Variants in PAPPA observed in about 807,000 individuals in gnomAD.
PAPPA encodes the protein pappalysin 1.
Under a neutral mutation model 164.0 loss-of-function variants are expected in PAPPA, and 60 were observed. The observed-to-expected ratio is 0.37, with a 90% CI of 0.30 to 0.45. The LOEUF is 0.45. Among genes scored for constraint, PAPPA ranks in the 20% least tolerant of loss-of-function variants. The pLI, the probability that PAPPA is intolerant of heterozygous loss-of-function variation, is 1.00. For missense variants in PAPPA, 1,782 were observed against 2,087.3 expected, an observed-to-expected ratio of 0.85 and a Z score of 2.85; for synonymous variants, 875 against 814.1, an observed-to-expected ratio of 1.07 and a Z score of -1.27.
At chr9:116,328,643 T>G (rs764854795) in intron 10 of PAPPA, among the ~76,000 whole-genome samples, 1 of 152,234 alleles carries the variant, frequency 6.6e-6, no homozygotes, top group Non-Finnish European at 1.5e-5. Flanking sequence ...GAAACTCTTT[T>G]CTTAAAAGAA....
chr9:116,325,682 G>T (rs1274653423), intron 10 of PAPPA, among the ~76,000 whole-genome samples: 1 of 152,142 alleles, frequency 6.6e-6, no homozygotes, highest in African/African-American at 2.4e-5. Flanking sequence ...ACACAGGGCT[G>T]GGTATCTTGG....
intron 14 of PAPPA, among the ~76,000 whole-genome samples, chr9:116,345,916 A>G (rs1327630819): frequency 6.6e-6 from 1 of 152,170 alleles, no homozygotes; most frequent in African/African-American, 2.4e-5. Context: ...AGGGCTGGTC[A>G]GTGGACTTTG....
chr9:116,250,987 C>T lies in PAPPA; in HGVS notation c.2733-14870C>T, dbSNP rs951052666. ...ATAGTAACGTCATGGCAGCTGGTGC[C>T]GGTGATGGGGTTGGTATAGGAAATG... is the stretch of plus-strand genomic sequence containing the variant. On this transcript the variant is annotated intron_variant, in intron 7 of 21. Transcript: ENST00000328252. Among the ~76,000 whole-genome samples, 180 of 152,172 alleles carry T rather than the reference C, an allele frequency of 1.2e-3. 2 individuals carry two copies. The highest frequency in any genetic ancestry group is 1.6e-4 in the Non-Finnish European group (11 of 67,998).
intron 2 of PAPPA, among the ~76,000 whole-genome samples, chr9:116,199,833 A>G (rs1011369916): frequency 6.6e-6 from 1 of 152,082 alleles, no homozygotes; most frequent in Admixed American, 6.5e-5. Flanking sequence ...TCATGCTTGG[A>G]AGGGGAAGAG....
At chr9:116,184,677 T>C (rs1035929954) in intron 1 of PAPPA, among the ~76,000 whole-genome samples, 1 of 152,210 alleles carries the variant, frequency 6.6e-6, no homozygotes, top group Non-Finnish European at 1.5e-5. Context: ...TAGTAACTGC[T>C]GTCATCAAAA....
chr9:116,281,972 C>T (rs1011336385), intron 9 of PAPPA, among the ~76,000 whole-genome samples: 3 of 152,182 alleles, frequency 2.0e-5, no homozygotes, highest in African/African-American at 7.2e-5. Flanking sequence ...TATTAAGTGA[C>T]AGAGTTGAGA....
intron 10 of PAPPA, among the ~76,000 whole-genome samples, chr9:116,323,146 AT>A (rs1201979209): frequency 6.6e-6 from 1 of 152,116 alleles, no homozygotes; most frequent in Non-Finnish European, 1.5e-5. Context: ...GATAAACTGG[AT>A]TTAAAAAAAC....
chr9:116,363,751 A>C (rs1331189460), intron 18 of PAPPA, among the ~76,000 whole-genome samples: 1 of 152,224 alleles, frequency 6.6e-6, no homozygotes, highest in Non-Finnish European at 1.5e-5. Flanking sequence ...TTCATCCAGC[A>C]AACAGAGAGT....
intron 1 of PAPPA, among the ~76,000 whole-genome samples, chr9:116,157,317 A>G (rs1233647913): frequency 1.3e-5 from 2 of 152,176 alleles, no homozygotes; most frequent in African/African-American, 4.8e-5. Context: ...AGGGGGAAGG[A>G]GCGAAGGAGC....
chr9:116,156,338 A>ACATG (rs1843604181), intron 1 of PAPPA, among the ~76,000 whole-genome samples: 1 of 131,710 alleles, frequency 7.6e-6, no homozygotes, highest in Non-Finnish European at 1.7e-5. Context: ...ATATGTGTAT[A>ACATG]TATATATATG....
chr9:116,265,484 T>C (rs1845056394), intron 7 of PAPPA, among the ~76,000 whole-genome samples: 1 of 152,220 alleles, frequency 6.6e-6, no homozygotes, highest in Non-Finnish European at 1.5e-5. Context: ...TTCCCACCTC[T>C]GTGCTTTTGT....
intron 10 of PAPPA, among the ~76,000 whole-genome samples, chr9:116,317,118 C>T (rs1200860656): frequency 6.6e-6 from 1 of 152,074 alleles, no homozygotes; most frequent in Admixed American, 6.5e-5. Context: ...GGGGAGGAAA[C>T]AAAAACAACA....
rs994245748 is a variant in PAPPA at position 116,311,077 on chromosome 9, T to C, written c.3147+8127T>C. ...TGGACTTTTTTTTTTTTTTTTTTTT[T>C]CTAACAGAATAGTATTTGGGGCATA... On this transcript the variant is annotated intron_variant, in intron 10 of 21. Coordinates refer to ENST00000328252, the MANE Select transcript of PAPPA (RefSeq NM_002581.5). Among the ~76,000 whole-genome samples, 445 of 110,340 alleles carry C rather than the reference T, an allele frequency of 4.0e-3. 3 individuals are homozygous for C. The highest frequency in any genetic ancestry group is 0.013 in the African/African-American group (421 of 32,228). The allele number at this position is 110,340 out of a possible 152,430, so 72.4% of individuals were successfully genotyped here.
rs562412285 is a variant in PAPPA, at chr9:116,388,861, T to C, written c.4776+6368T>C. 2.6e-5 allele frequency among the ~76,000 whole-genome samples: 4 copies of C among 152,312 alleles called. No homozygotes were observed. In the South Asian group the frequency reaches 8.3e-4, roughly 32 times the overall value. ...AGGGCTGGCTGCAATATTTGCTAAATGACAGATTTACTAAATCTTAAACCC... is the reference window on the plus strand; with the variant it reads ...AGGGCTGGCTGCAATATTTGCTAAACGACAGATTTACTAAATCTTAAACCC... On this transcript the variant is annotated intron_variant, in intron 21 of 21. Coordinates refer to ENST00000328252, the MANE Select transcript of PAPPA (RefSeq NM_002581.5).
intron 21 of PAPPA, among the ~76,000 whole-genome samples, chr9:116,389,046 A>G (rs1588032347): frequency 1.3e-5 from 2 of 152,150 alleles, no homozygotes; most frequent in East Asian, 1.9e-4. Flanking sequence ...GTGATAACCT[A>G]CATTGACAAA....
intron 5 of PAPPA, among the ~76,000 whole-genome samples, chr9:116,221,306 A>T (rs1177851373): frequency 1.3e-5 from 2 of 152,204 alleles, no homozygotes; most frequent in Non-Finnish European, 2.9e-5. Flanking sequence ...AGGGAAGATT[A>T]ATGTATTACC....
chr9:116,279,776 A>G (rs947352535), intron 9 of PAPPA, among the ~76,000 whole-genome samples: 12 of 152,176 alleles, frequency 7.9e-5, no homozygotes, highest in Non-Finnish European at 1.8e-4. Flanking sequence ...ACTGAGGCGG[A>G]CTGGGAGAGG....
At chr9:116,198,643 C>T (rs1478931453) in intron 2 of PAPPA, among the ~76,000 whole-genome samples, 1 of 152,194 alleles carries the variant, frequency 6.6e-6, no homozygotes, top group Non-Finnish European at 1.5e-5. Flanking sequence ...GTCAGAGTAG[C>T]TTTTAGGCTG....
At chr9:116,160,166 G>A (rs1204214707) in intron 1 of PAPPA, among the ~76,000 whole-genome samples, 1 of 152,154 alleles carries the variant, frequency 6.6e-6, no homozygotes, top group Non-Finnish European at 1.5e-5. Context: ...AGGCCCAAAG[G>A]GTAAACGATG....
Sources: allele counts gnomAD v4.1 joint callset (sites outside exome capture counted in the v4.1 genomes callset), GRCh38; gene constraint gnomAD v4.1.1; transcripts MANE v1.5; gene names NCBI Gene and HGNC (gene_info 2026-07-23, HGNC 2026-07-21).